Variants in MPHOSPH9 observed in about 807,000 individuals in gnomAD.
MPHOSPH9 encodes M-phase phosphoprotein 9.
Under a neutral mutation model 145.5 loss-of-function variants are expected in MPHOSPH9, and 88 were observed. The observed-to-expected ratio is 0.60, with a 90% CI of 0.51 to 0.72. The LOEUF (loss-of-function observed/expected upper bound fraction) is 0.72, where lower values mean the gene tolerates loss of function less well. MPHOSPH9 is among the 30% of genes least tolerant of loss of function. MPHOSPH9 has a pLI of 0.00. For missense variants in MPHOSPH9, 1,238 were observed against 1,386.6 expected, an observed-to-expected ratio of 0.89 and a Z score of 1.70; for synonymous variants, 435 against 486.2, an observed-to-expected ratio of 0.89 and a Z score of 1.39.
intron 17 of MPHOSPH9, chr12:123,165,712 C>T: frequency 2.4e-6 from 1 of 409,016 alleles, no homozygotes. Context: ...TCTGTGCACA[C>T]ACACCAAGGA....
intron 13 of MPHOSPH9, among the ~76,000 whole-genome samples, chr12:123,184,591 G>A (rs1349685827): frequency 4.0e-5 from 6 of 151,646 alleles, no homozygotes; most frequent in South Asian, 2.1e-4. Flanking sequence ...TCCGCCTCCC[G>A]GGTTCACGCC....
intron 16 of MPHOSPH9, among the ~76,000 whole-genome samples, chr12:123,172,525 GT>G (rs1366456620): frequency 1.3e-5 from 2 of 152,118 alleles, no homozygotes; most frequent in Non-Finnish European, 2.9e-5. Context: ...TAGAGATGGG[GT>G]TTTGCCATGT....
At position 123,221,484 on chromosome 12, in the gene MPHOSPH9, C is replaced by T. The variant is rs1317258164; in HGVS notation, c.760G>A (p.Glu254Lys). ...TCCTTTAAAGACACATGACACTCTTCAGGAGTCTGTATATAAAAATTCTCA... is the reference window on the plus strand; with the variant it reads ...TCCTTTAAAGACACATGACACTCTTTAGGAGTCTGTATATAAAAATTCTCA... Reference protein sequence around the residue: ...KNENFYIQTPEECHVSLKEDV... With the variant: ...KNENFYIQTPKECHVSLKEDV... Residue 254 changes from glutamate to lysine, a missense_variant, in exon 5 of 24, where the codon GAA becomes AAA. Physicochemically the swap from Glu to Lys is moderately conservative, Grantham distance 56. This residue lies in a region of MPHOSPH9 where 837 missense variants were observed against 897.5 expected (regional missense o/e 0.93). Transcript: ENST00000606320. The T allele has an allele frequency of 6.2e-7, 1 of 1,613,988 alleles. No individual in the cohort carries two copies. The highest frequency in any genetic ancestry group is 8.5e-7 in the Non-Finnish European group (1 of 1,179,950).
chr12:123,186,893 G>A (rs1167260046), intron 13 of MPHOSPH9, among the ~76,000 whole-genome samples: 2 of 152,138 alleles, frequency 1.3e-5, no homozygotes, highest in Non-Finnish European at 2.9e-5. Flanking sequence ...CCCAGGAAGT[G>A]GAGGTTGCAG....
At position 123,214,729 on chromosome 12, in the gene MPHOSPH9, A is replaced by G. The variant is rs1379696109; in HGVS notation, c.1087+15T>C. On this transcript the variant is annotated intron_variant, in intron 7 of 23. Coordinates refer to ENST00000606320, the MANE Select transcript of MPHOSPH9 (RefSeq NM_022782.4). ...GTAGTTTAGGTTAAAAAAAATAAAA[A>G]TGTAAGTATCATACCTGTTCCTGAA... 1 of 1,585,890 alleles carries G rather than the reference A, an allele frequency of 6.3e-7. No individual in the cohort carries two copies. Among genetic ancestry groups the G allele is most frequent in the Non-Finnish European group, 8.6e-7 (1 of 1,157,818 alleles).
At chr12:123,192,378 C>T (rs763778193) in intron 13 of MPHOSPH9, among the ~76,000 whole-genome samples, 72 of 150,684 alleles carry the variant, frequency 4.8e-4, no homozygotes, top group Non-Finnish European at 8.6e-4. Flanking sequence ...CACTTGAACC[C>T]GGGAGGCAGA....
At position 123,230,139 on chromosome 12, in the gene MPHOSPH9, T is replaced by C. The variant is rs920136252; in HGVS notation, c.104+122A>G. 3 of 635,942 alleles carry C rather than the reference T, an allele frequency of 4.7e-6. No individual in the cohort carries two copies. In the East Asian group the frequency reaches 9.4e-5, roughly 20 times the overall value. The allele number at this position is 635,942 out of a possible 1,614,324, so 39.4% of individuals were successfully genotyped here. Reference sequence around the variant, plus strand: ...GCCCAGCCTCCCTGAACATTCTTGATGATAGGTTAAAAAATAATAATAATT... The same window carrying C: ...GCCCAGCCTCCCTGAACATTCTTGACGATAGGTTAAAAAATAATAATAATT... On this transcript the variant is annotated intron_variant, in intron 2 of 23. Transcript: ENST00000606320.
At chr12:123,157,868 G>A (rs1161419428) in intron 23 of MPHOSPH9, among the ~76,000 whole-genome samples, 2 of 151,508 alleles carry the variant, frequency 1.3e-5, no homozygotes, top group Non-Finnish European at 2.9e-5. Context: ...ATTATAAAAG[G>A]ATTATAGAAC....
chr12:123,188,369 A>C (rs993632840), intron 13 of MPHOSPH9, among the ~76,000 whole-genome samples: 3 of 151,896 alleles, frequency 2.0e-5, no homozygotes, highest in African/African-American at 7.2e-5. Flanking sequence ...AACAAAGCTC[A>C]TATTCTATGT....
intron 11 of MPHOSPH9, among the ~76,000 whole-genome samples, chr12:123,201,529 G>A (rs997782278): frequency 1.1e-4 from 17 of 151,856 alleles, no homozygotes; most frequent in Non-Finnish European, 2.2e-4. Flanking sequence ...ACAGGTACAC[G>A]CCACCATGCC....
At chr12:123,204,295 TC>T (rs1339795872) in intron 8 of MPHOSPH9, among the ~76,000 whole-genome samples, 2 of 112,092 alleles carry the variant, frequency 1.8e-5, no homozygotes, top group African/African-American at 5.4e-5. Flanking sequence ...AGAGCGAAAC[TC>T]CGTCTCAAAA....
At chr12:123,207,409 C>T (rs776233933) in intron 8 of MPHOSPH9, among the ~76,000 whole-genome samples, 103 of 152,172 alleles carry the variant, frequency 6.8e-4, no homozygotes, top group Non-Finnish European at 1.2e-3. Context: ...TCATGAAGTA[C>T]GGAACATTGG....
chr12:123,239,512 C>T (rs750592160), intron 1 of MPHOSPH9, among the ~76,000 whole-genome samples: 2 of 152,098 alleles, frequency 1.3e-5, no homozygotes, highest in African/African-American at 4.8e-5. Flanking sequence ...AAGCGATTCT[C>T]CTGCCTCAGC....
At chr12:123,187,856 T>C (rs1226274422) in intron 13 of MPHOSPH9, among the ~76,000 whole-genome samples, 1 of 152,190 alleles carries the variant, frequency 6.6e-6, no homozygotes, top group Non-Finnish European at 1.5e-5. Flanking sequence ...CTGGGCGCCG[T>C]GGCTCGCACC....
At chr12:123,172,633 C>T (rs1010862028) in intron 16 of MPHOSPH9, among the ~76,000 whole-genome samples, 5 of 151,824 alleles carry the variant, frequency 3.3e-5, no homozygotes, top group African/African-American at 9.7e-5. Context: ...ACGCCCAGTC[C>T]GTCATACAAT....
At position 123,194,404 on chromosome 12, in the gene MPHOSPH9, CTCT is replaced by C. The variant is rs1441253106; in HGVS notation, c.2220_2222del (p.Glu741del). 3.8e-6 allele frequency: 6 copies of C among 1,593,342 alleles called. No individual in the cohort carries two copies. The African/African-American group carries it at 6.8e-5, about 18-fold the overall frequency. On this transcript the variant is annotated inframe_deletion, in exon 13 of 24. Transcript: ENST00000606320. ...TACTTACATCTTGAAACATTTTGTTCTCTTGTTTTAGTTGAGCTTCTTTATCAT... is the reference window on the plus strand; with the variant it reads ...TACTTACATCTTGAAACATTTTGTTCTGTTTTAGTTGAGCTTCTTTATCAT...
intron 16 of MPHOSPH9, among the ~76,000 whole-genome samples, chr12:123,175,953 G>A (rs189292556): frequency 1.1e-4 from 17 of 151,482 alleles, no homozygotes; most frequent in Non-Finnish European, 2.1e-4. Flanking sequence ...GACTGGTCTC[G>A]AACTCCTGGA....
chr12:123,162,765 A>G, intron 20 of MPHOSPH9: 2 of 384,342 alleles, frequency 5.2e-6, no homozygotes, highest in Non-Finnish European at 9.1e-6. Flanking sequence ...ATCATTCTAC[A>G]TACAAAAGCT....
intron 5 of MPHOSPH9, 28 bp from the exon 6 acceptor site, chr12:123,218,527 CT>C (rs751271366): frequency 0.048 from 43,885 of 916,968 alleles, no homozygotes; most frequent in South Asian, 0.068. Flanking sequence ...ACCAAAATTA[CT>C]TTTTTTTTTT....
Sources: gnomAD v4.1 joint callset for allele counts (sites outside exome capture counted in the v4.1 genomes callset) on GRCh38, gnomAD v4.1.1 for gene constraint, gnomAD v4.1.1 regional missense constraint, MANE v1.5 for transcripts, NCBI Gene and HGNC (gene_info 2026-07-23, HGNC 2026-07-21) for gene names.